CD84: variants seen among roughly 807,000 people sequenced by gnomAD.
CD84 encodes SLAM family member 5.
Under a neutral mutation model 33.8 loss-of-function variants are expected in CD84, and 22 were observed. The ratio of observed to expected loss-of-function variants is 0.65; its 90% CI spans 0.46 to 0.93. CD84 has a LOEUF of 0.93. Ranked by LOEUF, CD84 falls within the 40% of genes least tolerant of loss-of-function variation. CD84 has a pLI of 0.00. For missense variants in CD84, 400 were observed against 397.6 expected, an observed-to-expected ratio of 1.01 and a Z score of -0.05; for synonymous variants, 154 against 145.2, an observed-to-expected ratio of 1.06 and a Z score of -0.44.
chr1:160,552,290 G>A (rs1319025754), intron 4 of CD84, among the ~76,000 whole-genome samples: 1 of 152,164 alleles, frequency 6.6e-6, no homozygotes, highest in Non-Finnish European at 1.5e-5. Flanking sequence ...TGTGGTTCAA[G>A]CAGGCTATGC....
chr1:160,573,599 T>A (rs1657821546), intron 1 of CD84, among the ~76,000 whole-genome samples: 1 of 152,166 alleles, frequency 6.6e-6, no homozygotes, highest in Non-Finnish European at 1.5e-5. Context: ...TTCAGGGTTT[T>A]CTCCCAACAT....
chr1:160,553,770 C>T, intron 3 of CD84, 125 bp downstream of exon 3: 1 of 1,455,188 alleles, frequency 6.9e-7, no homozygotes, highest in Non-Finnish European at 9.3e-7. Context: ...GAGGTGATGC[C>T]CTCAGTGACC....
intron 4 of CD84, chr1:160,552,935 T>A: frequency 1.7e-6 from 1 of 601,140 alleles, no homozygotes; most frequent in Non-Finnish European, 3.0e-6. Context: ...CCAGAGGGAT[T>A]CAGAGGGACA....
chr1:160,553,408 A>G lies in CD84; in HGVS notation c.730T>C (p.Phe244Leu). 2.5e-6 allele frequency: 4 copies of G among 1,614,120 alleles called. No individual in the cohort carries two copies. In the South Asian group the frequency reaches 4.4e-5, roughly 18 times the overall value. ...CTTCTCTTGAACAAACGGAACAAAA[A>G]CACTGAAGACAGAATGAGAACAAGC... ...FLLVLILSSVFLFRLFKRRQD... is the reference protein window; with the variant it reads ...FLLVLILSSVLLFRLFKRRQD... Residue 244 changes from phenylalanine (F) to leucine (L), a missense_variant, in exon 4 of 7, where the codon TTT (phenylalanine) becomes CTT (leucine). Transcript: ENST00000368054.
Position 160,547,138 on chromosome 1 carries a change from A to T in CD84, c.*1118T>A. ...CTGGCTGGTGATCTGTTTGTGGGGC[A>T]TGCCAGGGTGGCGGCACTCTGCCTC... On this transcript the variant is annotated 3_prime_UTR_variant, in exon 7 of 7. Coordinates refer to ENST00000368054, the MANE Select transcript of CD84 (RefSeq NM_003874.4). 2.5e-6 allele frequency: 1 copy of T among 398,972 alleles called. No individual in the cohort carries two copies. The highest frequency in any genetic ancestry group is 4.4e-6 in the Non-Finnish European group (1 of 226,072). 24.7% of individuals were successfully genotyped at this position (398,972 alleles called of 1,614,324 possible).
At position 160,577,347 on chromosome 1, in the gene CD84, G is replaced by A. The variant is rs189917781; in HGVS notation, c.46+2045C>T. ...ACCTCTACCAGGAACAGCAGCAGGA[G>A]GAATTCATGGTATATTTTTGTGCTC... On this transcript the variant is annotated intron_variant, in intron 1 of 6. Coordinates refer to ENST00000368054, the MANE Select transcript of CD84 (RefSeq NM_003874.4). Among the ~76,000 whole-genome samples, 3 of 152,230 alleles carry A rather than the reference G, an allele frequency of 2.0e-5. No individual in the cohort carries two copies. The East Asian group carries it at 5.8e-4, about 29-fold the overall frequency.
Position 160,544,422 on chromosome 1 carries a change from G to A in CD84, c.*3834C>T, listed in dbSNP as rs1267873107. 6.6e-6 allele frequency: 1 copy of A among 152,130 alleles called. No homozygotes were observed. The highest frequency in any genetic ancestry group is 1.9e-4 in the East Asian group (1 of 5,200). The allele number at this position is 152,130 out of a possible 1,614,324, so 9.4% of individuals were successfully genotyped here. On this transcript the variant is annotated 3_prime_UTR_variant, in exon 7 of 7. Coordinates refer to ENST00000368054, the MANE Select transcript of CD84 (RefSeq NM_003874.4). Reference sequence around the variant, plus strand: ...GGCCTCCCAAAATTCTAGGATTACAGGCATGAGCCACTGCGCCTGGCCTTC... The same window carrying A: ...GGCCTCCCAAAATTCTAGGATTACAAGCATGAGCCACTGCGCCTGGCCTTC...
At chr1:160,548,507 C>T (rs1425152220) in intron 6 of CD84, among the ~76,000 whole-genome samples, 186 bp from the exon 7 acceptor site, 7 of 152,098 alleles carry the variant, frequency 4.6e-5, no homozygotes, top group Admixed American at 3.9e-4. Context: ...GCTCCAGCTA[C>T]CCCCCATTTG....
rs1287245139 is a variant in CD84 at position 160,544,677 on chromosome 1, C to T, written c.*3579G>A. The T allele has an allele frequency of 6.6e-6, 1 of 152,156 alleles. No individual in the cohort carries two copies. Among genetic ancestry groups the T allele is most frequent in the Non-Finnish European group, 1.5e-5 (1 of 68,052 alleles). The allele number at this position is 152,156 out of a possible 1,614,324, so 9.4% of individuals were successfully genotyped here. ...TGCCCGATTTCCAAGCTGGCCCAAC[C>T]AGGCTATTCCCTCATAGCCTGTGTA... On this transcript the variant is annotated 3_prime_UTR_variant, in exon 7 of 7. Coordinates refer to ENST00000368054, the MANE Select transcript of CD84 (RefSeq NM_003874.4).
intron 2 of CD84, among the ~76,000 whole-genome samples, chr1:160,558,064 G>A (rs1444154109): frequency 6.6e-6 from 1 of 152,214 alleles, no homozygotes; most frequent in South Asian, 2.1e-4. Flanking sequence ...TGCTGGCTTT[G>A]GAGAGTCCAG....
At position 160,553,361 on chromosome 1, in the gene CD84, T is replaced by A. The variant is rs1656367306; in HGVS notation, c.760+17A>T. On this transcript the variant is annotated intron_variant, in intron 4 of 6. Transcript: ENST00000368054. Reference sequence around the variant, plus strand: ...AGAAGGTGAGTTTCCACATTTTACCTTCTGGGAAAATCCTACCTTGTCTTC... The same window carrying A: ...AGAAGGTGAGTTTCCACATTTTACCATCTGGGAAAATCCTACCTTGTCTTC... 1.2e-6 allele frequency: 2 copies of A among 1,614,120 alleles called. No individual in the cohort carries two copies. The highest frequency in any genetic ancestry group is 1.7e-5 in the Admixed American group (1 of 60,016).
chr1:160,573,756 C>T (rs2102207375), intron 1 of CD84, among the ~76,000 whole-genome samples: 1 of 152,224 alleles, frequency 6.6e-6, no homozygotes, highest in South Asian at 2.1e-4. Context: ...TTGATTGTCT[C>T]CCAACCCATC....
intron 6 of CD84, among the ~76,000 whole-genome samples, 172 bp from the exon 7 acceptor site, chr1:160,548,493 G>A (rs906346782): frequency 4.6e-5 from 7 of 152,112 alleles, no homozygotes; most frequent in African/African-American, 1.7e-4. Flanking sequence ...AGTCCCTCAT[G>A]TCTGCTCCAG....
At chr1:160,561,633 A>G (rs1351900434) in intron 2 of CD84, among the ~76,000 whole-genome samples, 2 of 152,214 alleles carry the variant, frequency 1.3e-5, no homozygotes, top group African/African-American at 4.8e-5. Context: ...CATCACTCCT[A>G]TTCAACATAG....
rs1261504272 is a variant in CD84, at chr1:160,551,594, C to G, written c.761-559G>C. 2.0e-5 allele frequency among the ~76,000 whole-genome samples: 3 copies of G among 152,184 alleles called. 1 individual carries two copies. The highest frequency in any genetic ancestry group is 2.0e-4 in the Admixed American group (3 of 15,282). ...TCACTCTGTCACCCACGTTGGAGTG[C>G]AGTGGTGCACCAACTCATGGCTCAC... On this transcript the variant is annotated intron_variant, in intron 4 of 6. Coordinates refer to ENST00000368054, the MANE Select transcript of CD84 (RefSeq NM_003874.4).
chr1:160,568,746 A>G (rs58759702), intron 1 of CD84, among the ~76,000 whole-genome samples: 7,547 of 152,150 alleles, frequency 0.05, 628 homozygotes, highest in African/African-American at 0.17. Context: ...TCAGCCACCC[A>G]AGTAGCTGGG....
In CD84 at chr1:160,565,703, T is replaced by C; in HGVS notation, c.89A>G (p.Asn30Ser). 6.2e-7 allele frequency: 1 copy of C among 1,613,110 alleles called. No homozygotes were observed. Reference sequence around the variant, plus strand: ...AGTGACTGACTCTCCCAGAATCCCATTCACTGTGAAGATTTCTGAGTCTTT... The same window carrying C: ...AGTGACTGACTCTCCCAGAATCCCACTCACTGTGAAGATTTCTGAGTCTTT... ...AGKDSEIFTV[N>S]GILGESVTFP... The change falls in exon 2 of 7, where the codon AAT (asparagine) becomes AGT (serine). Residue 30 changes from asparagine to serine, a missense_variant. Coordinates refer to ENST00000368054, the MANE Select transcript of CD84 (RefSeq NM_003874.4).
In CD84 at chr1:160,548,160, C is replaced by G; in HGVS notation, c.*96G>C. On this transcript the variant is annotated 3_prime_UTR_variant, in exon 7 of 7. Transcript: ENST00000368054. ...CTGAGATGTGGCAGTTTGCAATCTC[C>G]CAGTAAGAGTTGGGCAGAGAAGATC... 1 of 1,304,730 alleles carries G rather than the reference C, an allele frequency of 7.7e-7. No homozygotes were observed. Among genetic ancestry groups the G allele is most frequent in the Non-Finnish European group, 1.1e-6 (1 of 907,604 alleles). The allele number at this position is 1,304,730 out of a possible 1,614,324, so 80.8% of individuals were successfully genotyped here. A position where few individuals can be genotyped will look rare whatever the true frequency, so the allele number is the denominator to read the frequency against.
At chr1:160,569,079 G>T (rs578220789) in intron 1 of CD84, among the ~76,000 whole-genome samples, 1 of 152,276 alleles carries the variant, frequency 6.6e-6, no homozygotes, top group East Asian at 1.9e-4. Context: ...AACATTCATC[G>T]TATGTTCTTT....
Sources: gnomAD v4.1 joint callset for allele counts (sites outside exome capture counted in the v4.1 genomes callset) on GRCh38, gnomAD v4.1.1 for gene constraint, MANE v1.5 for transcripts, NCBI Gene and HGNC (gene_info 2026-07-23, HGNC 2026-07-21) for gene names.